Variants in CEP55 observed in about 807,000 individuals in gnomAD.
CEP55 encodes the protein centrosomal protein of 55 kDa.
A neutral mutation model predicts 63.2 loss-of-function variants in CEP55; 57 were observed. The ratio of observed to expected loss-of-function variants is 0.90; its 90% confidence interval spans 0.73 to 1.13. CEP55 has a LOEUF of 1.13. Among genes scored for constraint, CEP55 ranks in the 50% most tolerant of loss-of-function variants. CEP55 has a pLI of 0.00. For synonymous variants in CEP55, 178 were observed against 191.6 expected (o/e 0.93, Z 0.59); for missense variants, 456 against 518.9 (o/e 0.88, Z 1.18).
chr10:93,528,324 G>T lies in CEP55; in HGVS notation c.*171G>T. ...TTTAGGCTGCTGTGCATTTCTCTTG[G>T]CAGTGATACCTCCCTGACATGGTTC... On this transcript the variant is annotated 3_prime_UTR_variant, in exon 9 of 9. Transcript: ENST00000371485. The T allele has an allele frequency of 1.6e-6, 1 of 618,974 alleles. No individual in the cohort carries two copies. The allele number at this position is 618,974 out of a possible 1,614,324, so 38.3% of individuals were successfully genotyped here. A position where few individuals can be genotyped will look rare whatever the true frequency, so the allele number is the denominator to read the frequency against.
Position 93,524,698 on chromosome 10 carries a change from C to T in CEP55, c.1192-3252C>T, listed in dbSNP as rs564580797. On this transcript the variant is annotated intron_variant, in intron 8 of 8. Coordinates refer to ENST00000371485, the MANE Select transcript of CEP55 (RefSeq NM_018131.5). ...CGATGCAAAAATCCTCAATAAAATACTGGCAAACCAAATCCAGCAACACAT... is the reference window on the plus strand; with the variant it reads ...CGATGCAAAAATCCTCAATAAAATATTGGCAAACCAAATCCAGCAACACAT... Among the ~76,000 whole-genome samples, 5 of 152,312 alleles carry T rather than the reference C, an allele frequency of 3.3e-5. No individual in the cohort carries two copies. In the South Asian group the frequency reaches 1.0e-3, roughly 32 times the overall value.
At chr10:93,511,867 G>A (rs1168858580) in intron 4 of CEP55, among the ~76,000 whole-genome samples, 1 of 151,964 alleles carries the variant, frequency 6.6e-6, no homozygotes, top group East Asian at 1.9e-4. Context: ...CTCCCAAAGT[G>A]CTGGGATTAC....
chr10:93,514,987 G>T (rs1350612855), intron 4 of CEP55, among the ~76,000 whole-genome samples: 1 of 152,142 alleles, frequency 6.6e-6, no homozygotes. Flanking sequence ...TGGCCAGGCT[G>T]GTCTTGAACT....
intron 4 of CEP55, among the ~76,000 whole-genome samples, chr10:93,509,076 A>G (rs180780509): frequency 4.6e-5 from 7 of 152,058 alleles, no homozygotes; most frequent in Admixed American, 4.6e-4. Flanking sequence ...AAAGTACCTG[A>G]AAATAGATGC....
chr10:93,520,915 G>T (rs2057854225), intron 8 of CEP55, among the ~76,000 whole-genome samples: 1 of 152,124 alleles, frequency 6.6e-6, no homozygotes, highest in Admixed American at 6.5e-5. Flanking sequence ...ATTCATTTTT[G>T]TTATTGACCA....
intron 4 of CEP55, among the ~76,000 whole-genome samples, chr10:93,512,631 T>G (rs1248079888): frequency 1.3e-5 from 2 of 152,200 alleles, no homozygotes; most frequent in African/African-American, 4.8e-5. Flanking sequence ...TTAGGTATCT[T>G]TAGTATCTAA....
chr10:93,513,270 T>C (rs1463606554), intron 4 of CEP55, among the ~76,000 whole-genome samples: 1 of 152,238 alleles, frequency 6.6e-6, no homozygotes, highest in Non-Finnish European at 1.5e-5. Context: ...TTGCTAATTC[T>C]ATAGCAAACA....
chr10:93,519,011 GT>G (rs769011845), intron 7 of CEP55, 63 bp downstream of exon 7: 1 of 1,230,670 alleles, frequency 8.1e-7, no homozygotes, highest in African/African-American at 1.5e-5. Flanking sequence ...TTTTCCTCAT[GT>G]TTATGCTGTT....
chr10:93,503,305 G>A lies in CEP55; in HGVS notation c.376G>A (p.Asp126Asn), dbSNP rs1251181283. ...GTTGAAAGCCTTATCTGAAGAGAAA[G>A]ACGTATTGAAACAACAGTTGTCTGC... is the stretch of plus-strand genomic sequence containing the variant. ...QVLKALSEEK[D>N]VLKQQLSAAT... The change falls in exon 3 of 9, where the codon GAC (aspartate) becomes AAC (asparagine). Residue 126 changes from aspartate to asparagine, a missense_variant. Coordinates refer to ENST00000371485, the MANE Select transcript of CEP55 (RefSeq NM_018131.5). The A allele has an allele frequency of 1.2e-6, 2 of 1,614,070 alleles. No individual in the cohort carries two copies. The highest frequency in any genetic ancestry group is 1.7e-6 in the Non-Finnish European group (2 of 1,180,036).
intron 3 of CEP55, among the ~76,000 whole-genome samples, chr10:93,504,681 C>T (rs928100674): frequency 6.6e-6 from 1 of 152,146 alleles, no homozygotes; most frequent in Admixed American, 6.5e-5. Flanking sequence ...TTCCACAGAG[C>T]TGAAACTCAT....
chr10:93,523,504 C>A (rs1282252720), intron 8 of CEP55, among the ~76,000 whole-genome samples: 1 of 151,952 alleles, frequency 6.6e-6, no homozygotes, highest in East Asian at 1.9e-4. Context: ...ACTTTAACAC[C>A]CCACTGTCAA....
In CEP55 at chr10:93,521,669, G is replaced by A. The variant is rs376571512; in HGVS notation, c.1191+1862G>A. 1.2e-3 allele frequency among the ~76,000 whole-genome samples: 181 copies of A among 152,280 alleles called. 3 individuals are homozygous for A. In the South Asian group the frequency reaches 0.029, roughly 25 times the overall value. On this transcript the variant is annotated intron_variant, in intron 8 of 8. Coordinates refer to ENST00000371485, the MANE Select transcript of CEP55 (RefSeq NM_018131.5). The stretch of plus-strand genomic sequence containing the variant: ...CTCTACAAGTGGGTCCCTGACCCCC[G>A]TGTAGCCTAACTGGGAGGCACCCCC...
intron 4 of CEP55, among the ~76,000 whole-genome samples, chr10:93,509,848 A>T (rs1320497162): frequency 6.6e-6 from 1 of 152,208 alleles, no homozygotes; most frequent in African/African-American, 2.4e-5. Context: ...AATTTCAGCA[A>T]ATCTTTGAGA....
At chr10:93,509,581 T>G (rs4917814) in intron 4 of CEP55, among the ~76,000 whole-genome samples, 147,430 of 152,112 alleles carry the variant, frequency 0.97, 71,594 homozygotes, top group East Asian at 1. Flanking sequence ...CGTCTCCTGG[T>G]TTCAAGTGAT....
chr10:93,504,330 G>A (rs11187479), intron 3 of CEP55, among the ~76,000 whole-genome samples: 79,893 of 151,904 alleles, frequency 0.53, 23,148 homozygotes, highest in Non-Finnish European at 0.65. Context: ...AAAATTAGCC[G>A]AGTGTGACGG....
At chr10:93,498,740 C>A (rs2057600633) in intron 1 of CEP55, among the ~76,000 whole-genome samples, 1 of 151,806 alleles carries the variant, frequency 6.6e-6, no homozygotes, top group Non-Finnish European at 1.5e-5. Context: ...GATTCATGAA[C>A]CCTTGTTTGT....
intron 6 of CEP55, among the ~76,000 whole-genome samples, chr10:93,517,899 G>A (rs2057820841): frequency 6.6e-6 from 1 of 152,128 alleles, no homozygotes; most frequent in South Asian, 2.1e-4. Context: ...ATGGCCTTAG[G>A]CAAATCACCT....
intron 3 of CEP55, among the ~76,000 whole-genome samples, chr10:93,504,137 G>T (rs963635874): frequency 4.6e-5 from 7 of 152,080 alleles, no homozygotes; most frequent in Non-Finnish European, 8.8e-5. Context: ...TCAGACCTTT[G>T]ATTCTTTTGG....
intron 8 of CEP55, among the ~76,000 whole-genome samples, chr10:93,524,526 A>G (rs2057899645): frequency 6.6e-6 from 1 of 152,240 alleles, no homozygotes; most frequent in South Asian, 2.1e-4. Flanking sequence ...AGGAGCTGAT[A>G]CCATTCCTTC....
Sources: allele counts gnomAD v4.1 joint callset (sites outside exome capture counted in the v4.1 genomes callset), GRCh38; gene constraint gnomAD v4.1.1; transcripts MANE v1.5; gene names NCBI Gene and HGNC (gene_info 2026-07-23, HGNC 2026-07-21).